FRMD3: variants seen among roughly 807,000 people sequenced by gnomAD.
The protein encoded by FRMD3 is FERM domain containing 3.
A neutral mutation model predicts 70.2 loss-of-function variants in FRMD3; 33 were observed. The ratio of observed to expected loss-of-function variants is 0.47; its 90% CI spans 0.36 to 0.63. The LOEUF is 0.63. Ranked by LOEUF, FRMD3 falls within the 20% of genes least tolerant of loss-of-function variation. The pLI is 0.00. For missense variants in FRMD3, 632 were observed against 711.4 expected (o/e 0.89, Z 1.27); for synonymous variants, 279 against 255.9 (o/e 1.09, Z -0.86).
intron 13 of FRMD3, among the ~76,000 whole-genome samples, chr9:83,258,486 T>C (rs765506569): frequency 6.6e-6 from 1 of 152,224 alleles, no homozygotes; most frequent in Non-Finnish European, 1.5e-5. Context: ...TCTCTAATGA[T>C]GGAAGCAATG....
chr9:83,261,600 C>A (rs988440896), intron 13 of FRMD3, among the ~76,000 whole-genome samples: 1 of 152,144 alleles, frequency 6.6e-6, no homozygotes, highest in Non-Finnish European at 1.5e-5. Flanking sequence ...TTGCTCTGTA[C>A]CCTCTTTCTT....
chr9:83,325,548 C>T (rs527674102), intron 6 of FRMD3, among the ~76,000 whole-genome samples: 3 of 152,174 alleles, frequency 2.0e-5, no homozygotes, highest in Non-Finnish European at 4.4e-5. Context: ...TGGTCTCGAA[C>T]TCCTGGGCTC....
chr9:83,442,254 CTTTTT>C (rs57472225), intron 1 of FRMD3, among the ~76,000 whole-genome samples: 66 of 121,518 alleles, frequency 5.4e-4, no homozygotes, highest in African/African-American at 1.7e-3. Context: ...TTATACAGAT[CTTTTT>C]TTTTTTTTTT....
intron 1 of FRMD3, among the ~76,000 whole-genome samples, chr9:83,463,562 T>C (rs1828036559): frequency 2.0e-5 from 3 of 152,120 alleles, no homozygotes. Flanking sequence ...CATGATTCAA[T>C]TACCTCCCAC....
chr9:83,264,884 TAAA>T (rs541835948), intron 13 of FRMD3, among the ~76,000 whole-genome samples: 6 of 146,274 alleles, frequency 4.1e-5, no homozygotes, highest in Non-Finnish European at 7.6e-5. Flanking sequence ...AGGGTTAAAC[TAAA>T]AAAAAAATTA....
rs986292127 is a variant in FRMD3, at chr9:83,244,726, G to C, written c.*3192C>G. On this transcript the variant is annotated 3_prime_UTR_variant, in exon 14 of 14. Coordinates refer to ENST00000304195, the MANE Select transcript of FRMD3 (RefSeq NM_174938.6). ...GCAAATTTCACTATACAAAGGTAAG[G>C]CTCCAATCACAGTAACATGGCCCCC... is the stretch of plus-strand genomic sequence containing the variant. The C allele has an allele frequency of 3.0e-6, 3 of 984,576 alleles. No homozygotes were observed. Among genetic ancestry groups the C allele is most frequent in the Admixed American group, 6.2e-5 (1 of 16,256 alleles). 61.0% of individuals were successfully genotyped at this position (984,576 alleles called of 1,614,324 possible).
chr9:83,344,873 A>T (rs560612941), intron 4 of FRMD3, among the ~76,000 whole-genome samples: 7 of 142,160 alleles, frequency 4.9e-5, no homozygotes, highest in African/African-American at 1.9e-4. Context: ...TATTGGTTCT[A>T]TTTCTCTGGA....
At chr9:83,371,506 G>A (rs1369203572) in intron 3 of FRMD3, among the ~76,000 whole-genome samples, 2 of 152,114 alleles carry the variant, frequency 1.3e-5, no homozygotes, top group African/African-American at 4.8e-5. Flanking sequence ...TAGTAAAGAC[G>A]GGGTTTTACC....
chr9:83,338,272 C>T (rs908445263), intron 5 of FRMD3, among the ~76,000 whole-genome samples: 9 of 152,184 alleles, frequency 5.9e-5, no homozygotes, highest in Non-Finnish European at 1.3e-4. Flanking sequence ...AACAAAAATA[C>T]TTGTGCACTG....
At position 83,476,864 on chromosome 9, in the gene FRMD3, C is replaced by T. The variant is rs188025880; in HGVS notation, c.147+61221G>A. Among the ~76,000 whole-genome samples, 398 of 152,266 alleles carry T rather than the reference C, an allele frequency of 2.6e-3. 2 individuals carry two copies. Among genetic ancestry groups the T allele is most frequent in the African/African-American group, 6.4e-3 (264 of 41,556 alleles). The stretch of plus-strand genomic sequence containing the variant: ...CTACACTTTTCCTTTGTGGCCCTTA[C>T]TCTAATTGTATTTAGGTAATTTTTT... On this transcript the variant is annotated intron_variant, in intron 1 of 13. Coordinates refer to ENST00000304195, the MANE Select transcript of FRMD3 (RefSeq NM_174938.6).
At chr9:83,251,325 CA>C (rs1252065264) in intron 13 of FRMD3, among the ~76,000 whole-genome samples, 1 of 152,138 alleles carries the variant, frequency 6.6e-6, no homozygotes, top group African/African-American at 2.4e-5. Flanking sequence ...AAAACAACAA[CA>C]TCAACAAAAA....
chr9:83,293,177 G>T (rs2118988883), intron 12 of FRMD3, among the ~76,000 whole-genome samples: 1 of 152,252 alleles, frequency 6.6e-6, no homozygotes, highest in Non-Finnish European at 1.5e-5. Flanking sequence ...AAAGGAAGGA[G>T]GGGAGGGAGG....
chr9:83,484,758 A>G (rs1299242905), intron 1 of FRMD3, among the ~76,000 whole-genome samples: 2 of 152,222 alleles, frequency 1.3e-5, no homozygotes, highest in African/African-American at 2.4e-5. Context: ...ACCAATGAAT[A>G]GACATGTAAG....
At chr9:83,532,682 C>T (rs17086436) in intron 1 of FRMD3, among the ~76,000 whole-genome samples, 6,969 of 152,238 alleles carry the variant, frequency 0.046, 240 homozygotes, top group South Asian at 0.1. Flanking sequence ...GCAAAGCCAC[C>T]TCCCATTATA....
intron 1 of FRMD3, among the ~76,000 whole-genome samples, chr9:83,471,474 A>G (rs1179712511): frequency 2.6e-5 from 4 of 152,148 alleles, no homozygotes; most frequent in Admixed American, 2.6e-4. Context: ...GGGCATGAGG[A>G]CACAGTTGCA....
At chr9:83,342,664 AGGATGGATGGAT>A (rs569823827) in intron 5 of FRMD3, among the ~76,000 whole-genome samples, 4 of 151,206 alleles carry the variant, frequency 2.6e-5, no homozygotes, top group Non-Finnish European at 5.9e-5. Context: ...ACGAATAGAT[AGGATGGATGGAT>A]GGATGGATGG....
At chr9:83,253,522 C>T (rs1009712942) in intron 13 of FRMD3, among the ~76,000 whole-genome samples, 4 of 152,138 alleles carry the variant, frequency 2.6e-5, no homozygotes, top group Non-Finnish European at 4.4e-5. Context: ...AAATGCTCAT[C>T]GTCACTGGCC....
intron 1 of FRMD3, among the ~76,000 whole-genome samples, chr9:83,510,488 C>T (rs1007040556): frequency 2.0e-5 from 3 of 152,184 alleles, no homozygotes; most frequent in African/African-American, 7.2e-5. Flanking sequence ...AGAGGTTAAA[C>T]ATAGAGTTAC....
chr9:83,534,384 C>T (rs1244985005), intron 1 of FRMD3, among the ~76,000 whole-genome samples: 1 of 152,162 alleles, frequency 6.6e-6, no homozygotes, highest in African/African-American at 2.4e-5. Flanking sequence ...TTTTCGTTGG[C>T]CAAATACTAC....
Sources: allele counts gnomAD v4.1 joint callset (sites outside exome capture counted in the v4.1 genomes callset), GRCh38; gene constraint gnomAD v4.1.1; transcripts MANE v1.5; gene names NCBI Gene and HGNC (gene_info 2026-07-23, HGNC 2026-07-21).